Variants in KCNQ3 observed in about 807,000 individuals in gnomAD.
KCNQ3 encodes potassium voltage-gated channel subfamily KQT member 3.
In KCNQ3, 30 loss-of-function variants were observed where a neutral mutation model predicts 92.5. The ratio of observed to expected loss-of-function variants is 0.32; its 90% confidence interval spans 0.24 to 0.44. KCNQ3 has a LOEUF of 0.44. KCNQ3 is among the 20% of genes least tolerant of loss of function. The probability of loss-of-function intolerance (pLI) is 1.00; values close to 1 mark genes in which losing one functional copy is unlikely to be tolerated. For synonymous variants in KCNQ3, 450 were observed against 468.8 expected, an observed-to-expected ratio of 0.96 and a Z score of 0.52; for missense variants, 913 against 1,140.3, an observed-to-expected ratio of 0.80 and a Z score of 2.87.
At chr8:132,398,723 G>A (rs911234185) in intron 1 of KCNQ3, among the ~76,000 whole-genome samples, 1 of 152,212 alleles carries the variant, frequency 6.6e-6, no homozygotes, top group Non-Finnish European at 1.5e-5. Flanking sequence ...CAGGAGAGGG[G>A]AGCATGAGAG....
intron 1 of KCNQ3, among the ~76,000 whole-genome samples, chr8:132,240,283 T>A (rs1007734450): frequency 1.4e-5 from 2 of 146,796 alleles, no homozygotes; most frequent in African/African-American, 5.0e-5. Flanking sequence ...GCCTCCAGGG[T>A]TCAAGTGCAT....
chr8:132,291,302 T>A (rs1816828044), intron 1 of KCNQ3, among the ~76,000 whole-genome samples: 1 of 152,196 alleles, frequency 6.6e-6, no homozygotes, highest in Non-Finnish European at 1.5e-5. Context: ...CTGACAGAGA[T>A]GAATGCAAAT....
rs529974649 is a variant in KCNQ3, at chr8:132,224,360, A to C, written c.387-38179T>G. Among the ~76,000 whole-genome samples the C allele has an allele frequency of 7.3e-4, 111 of 152,180 alleles. 1 individual carries two copies. The highest frequency in any genetic ancestry group is 2.7e-3 in the South Asian group (13 of 4,826). On this transcript the variant is annotated intron_variant, in intron 1 of 14. Coordinates refer to ENST00000388996, the MANE Select transcript of KCNQ3 (RefSeq NM_004519.4). ...AGGATTAATTGCTTTTTAAAATTTAATTTTATTAATTGATTAACTCAGGCT... is the reference window on the plus strand; with the variant it reads ...AGGATTAATTGCTTTTTAAAATTTACTTTTATTAATTGATTAACTCAGGCT...
In KCNQ3 at chr8:132,184,384, A is replaced by T; in HGVS notation, c.478-17T>A. 6.2e-7 allele frequency: 1 copy of T among 1,613,164 alleles called. No individual in the cohort carries two copies. The highest frequency in any genetic ancestry group is 8.5e-7 in the Non-Finnish European group (1 of 1,179,602). On this transcript the variant is annotated splice_polypyrimidine_tract_variant and intron_variant, in intron 2 of 14. Coordinates refer to ENST00000388996, the MANE Select transcript of KCNQ3 (RefSeq NM_004519.4). ...AAATGTCTCCTGCATGGAAGAGCAT[A>T]TGGAGAGGCACTGATTAACCGAGAT... is the stretch of plus-strand genomic sequence containing the variant.
chr8:132,327,215 G>A (rs868158225), intron 1 of KCNQ3, among the ~76,000 whole-genome samples: 37 of 152,306 alleles, frequency 2.4e-4, no homozygotes, highest in South Asian at 6.2e-4. Flanking sequence ...TCTCATGTGT[G>A]AGAAGAAACA....
At chr8:132,249,363 C>T (rs1171159375) in intron 1 of KCNQ3, among the ~76,000 whole-genome samples, 4 of 152,068 alleles carry the variant, frequency 2.6e-5, no homozygotes, top group Admixed American at 6.5e-5. Context: ...CTGATTGGTG[C>T]GTTTACAATC....
intron 3 of KCNQ3, 29 bp from the exon 4 acceptor site, chr8:132,180,358 G>C (rs750106696): frequency 1.2e-6 from 2 of 1,612,284 alleles, no homozygotes; most frequent in Non-Finnish European, 1.7e-6. Context: ...AGAGTGGGAG[G>C]GAAGAGGGAA....
intron 1 of KCNQ3, among the ~76,000 whole-genome samples, chr8:132,416,691 G>A (rs1453274131): frequency 2.0e-5 from 3 of 152,096 alleles, no homozygotes; most frequent in Non-Finnish European, 4.4e-5. Flanking sequence ...ACTAGGCATG[G>A]GGCACTGAAG....
chr8:132,206,093 A>G (rs994207241), intron 1 of KCNQ3, among the ~76,000 whole-genome samples: 4 of 152,088 alleles, frequency 2.6e-5, no homozygotes, highest in Non-Finnish European at 5.9e-5. Flanking sequence ...AGATACAGGC[A>G]TTTTCTCGTC....
rs549090837 is a variant in KCNQ3 at position 132,162,903 on chromosome 8, T to C, written c.1262+565A>G. Among the ~76,000 whole-genome samples, 12 of 152,270 alleles carry C rather than the reference T, an allele frequency of 7.9e-5. No homozygotes were observed. The East Asian group carries it at 2.3e-3, about 29-fold the overall frequency. On this transcript the variant is annotated intron_variant, in intron 9 of 14. Coordinates refer to ENST00000388996, the MANE Select transcript of KCNQ3 (RefSeq NM_004519.4). ...ATTGATTGTGAGGACTCACAAATGATTGGTCAATAATAATCGTTTAAAAAT... is the reference window on the plus strand; with the variant it reads ...ATTGATTGTGAGGACTCACAAATGACTGGTCAATAATAATCGTTTAAAAAT...
chr8:132,146,276 G>T (rs1481240186), intron 9 of KCNQ3, among the ~76,000 whole-genome samples: 1 of 152,178 alleles, frequency 6.6e-6, no homozygotes, highest in African/African-American at 2.4e-5. Context: ...AAAATGAATG[G>T]ACATACAACG....
rs1430503539 is a variant in KCNQ3, at chr8:132,126,479, A to C, written c.*2783T>G. 1 of 152,202 alleles carries C rather than the reference A, an allele frequency of 6.6e-6. No individual in the cohort carries two copies. The highest frequency in any genetic ancestry group is 2.4e-5 in the African/African-American group (1 of 41,440). The allele number at this position is 152,202 out of a possible 1,614,324, so 9.4% of individuals were successfully genotyped here. A position where few individuals can be genotyped will look rare whatever the true frequency, so the allele number is the denominator to read the frequency against. Reference sequence around the variant, plus strand: ...ATATTTTTTGGGGAACAAAAGGAGAATATCAAAGCAGAGTTATTCCAGAAG... The same window carrying C: ...ATATTTTTTGGGGAACAAAAGGAGACTATCAAAGCAGAGTTATTCCAGAAG... On this transcript the variant is annotated 3_prime_UTR_variant, in exon 15 of 15. Transcript: ENST00000388996.
At chr8:132,375,843 C>T (rs973765676) in intron 1 of KCNQ3, among the ~76,000 whole-genome samples, 6 of 152,190 alleles carry the variant, frequency 3.9e-5, no homozygotes, top group African/African-American at 1.4e-4. Flanking sequence ...CCTATCACCC[C>T]CATGCCAGGT....
chr8:132,441,604 AAT>A (rs146088628), intron 1 of KCNQ3, among the ~76,000 whole-genome samples: 4 of 146,656 alleles, frequency 2.7e-5, no homozygotes, highest in Non-Finnish European at 3.0e-5. Context: ...CAAACAAACA[AAT>A]ATATATATAT....
intron 1 of KCNQ3, among the ~76,000 whole-genome samples, chr8:132,444,715 G>A (rs575512765): frequency 3.9e-5 from 6 of 152,326 alleles, no homozygotes; most frequent in East Asian, 3.9e-4. Flanking sequence ...GTGCTGCTCC[G>A]CCAACTGAGC....
At position 132,214,341 on chromosome 8, in the gene KCNQ3, T is replaced by G. The variant is rs1384865430; in HGVS notation, c.387-28160A>C. 3.3e-5 allele frequency among the ~76,000 whole-genome samples: 5 copies of G among 152,306 alleles called. No homozygotes were observed. In the East Asian group the frequency reaches 7.7e-4, roughly 23 times the overall value. Reference sequence around the variant, plus strand: ...TTTAAATGAACCAAGCCAATATTTCTCTCTCTCTCCTTTCTTTCCTTCTTT... The same window carrying G: ...TTTAAATGAACCAAGCCAATATTTCGCTCTCTCTCCTTTCTTTCCTTCTTT... On this transcript the variant is annotated intron_variant, in intron 1 of 14. Coordinates refer to ENST00000388996, the MANE Select transcript of KCNQ3 (RefSeq NM_004519.4).
chr8:132,298,457 C>T (rs1346247232), intron 1 of KCNQ3, among the ~76,000 whole-genome samples: 1 of 152,134 alleles, frequency 6.6e-6, no homozygotes, highest in African/African-American at 2.4e-5. Flanking sequence ...GCAAAAGGAA[C>T]TTCACACACA....
chr8:132,429,723 G>A (rs757017125), intron 1 of KCNQ3, among the ~76,000 whole-genome samples: 12 of 151,918 alleles, frequency 7.9e-5, no homozygotes, highest in Non-Finnish European at 1.5e-4. Flanking sequence ...TTAGCCAGGC[G>A]TGGTGGCAGA....
chr8:132,390,914 G>A (rs1463532679), intron 1 of KCNQ3, among the ~76,000 whole-genome samples: 2 of 152,186 alleles, frequency 1.3e-5, no homozygotes, highest in Non-Finnish European at 2.9e-5. Flanking sequence ...CTTTCAAAAT[G>A]TTATTACTAT....
Sources: gnomAD v4.1 joint callset for allele counts (sites outside exome capture counted in the v4.1 genomes callset) on GRCh38, gnomAD v4.1.1 for gene constraint, MANE v1.5 for transcripts, NCBI Gene and HGNC (gene_info 2026-07-23, HGNC 2026-07-21) for gene names.